TMCC2: variants seen among roughly 807,000 people sequenced by gnomAD.
The protein encoded by TMCC2 is transmembrane and coiled-coil domain family 2, also known as transmembrane and coiled-coil domains protein 2.
A neutral mutation model predicts 49.4 loss-of-function variants in TMCC2; 16 were observed. That is an observed-to-expected ratio of 0.32 (90% confidence interval 0.22 to 0.49). The LOEUF (loss-of-function observed/expected upper bound fraction) is 0.49. Among genes scored for constraint, TMCC2 ranks in the 20% least tolerant of loss-of-function variants. The pLI is 0.99. For missense variants in TMCC2, 762 were observed against 989.8 expected (o/e 0.77, Z 3.09); for synonymous variants, 397 against 434.1 (o/e 0.91, Z 1.06).
chr1:205,271,868 A>G lies in TMCC2; in HGVS notation c.1874A>G (p.Gln625Arg), dbSNP rs773616316. 6.2e-7 allele frequency: 1 copy of G among 1,613,948 alleles called. No individual in the cohort carries two copies. Among genetic ancestry groups the G allele is most frequent in the Non-Finnish European group, 8.5e-7 (1 of 1,180,020 alleles). ...RVTKLELQQQ[Q>R]QQVVQLEGVE... ...ACCAAGCTGGAGCTGCAGCAGCAAC[A>G]GCAGCAGGTGGTACAGCTGGAGGGC... is the stretch of plus-strand genomic sequence containing the variant. The change falls in exon 5 of 5, where the codon CAG (glutamine) becomes CGG (arginine). Residue 625 changes from glutamine to arginine, a missense_variant. Transcript: ENST00000358024.
At chr1:205,262,057 C>G (rs1441890560) in intron 2 of TMCC2, among the ~76,000 whole-genome samples, 1 of 152,180 alleles carries the variant, frequency 6.6e-6, no homozygotes, top group Non-Finnish European at 1.5e-5. Flanking sequence ...TATCTGTGTA[C>G]CAGCTCCTTG....
At chr1:205,250,627 C>T (rs1198341604) in intron 2 of TMCC2, among the ~76,000 whole-genome samples, 1 of 152,118 alleles carries the variant, frequency 6.6e-6, no homozygotes, top group Non-Finnish European at 1.5e-5. Flanking sequence ...ATAGAGGGGG[C>T]AAAATTAGAT....
rs2102510399 is a variant in TMCC2, at chr1:205,228,737, A to G, written c.173A>G (p.Asn58Ser). ...TSDAGAAAAPNPGPRSKPPDL... is the reference protein window; with the variant it reads ...TSDAGAAAAPSPGPRSKPPDL... Reference sequence around the variant, plus strand: ...GACGCCGGCGCTGCCGCGGCGCCCAACCCAGGTCCCCGAAGCAAGCCTCCT... The same window carrying G: ...GACGCCGGCGCTGCCGCGGCGCCCAGCCCAGGTCCCCGAAGCAAGCCTCCT... Residue 58 changes from asparagine to serine, a missense_variant, in exon 1 of 5, where the codon AAC becomes AGC. This residue lies in a region of TMCC2 where 322 missense variants were observed against 353.1 expected (regional missense o/e 0.91). Coordinates refer to ENST00000358024, the MANE Select transcript of TMCC2 (RefSeq NM_014858.4). 1 of 1,609,742 alleles carries G rather than the reference A, an allele frequency of 6.2e-7. No individual in the cohort carries two copies. Among genetic ancestry groups the G allele is most frequent in the African/African-American group, 1.3e-5 (1 of 74,968 alleles).
intron 1 of TMCC2, among the ~76,000 whole-genome samples, chr1:205,232,981 A>C (rs1220475606): frequency 1.6e-5 from 2 of 126,398 alleles, no homozygotes; most frequent in Non-Finnish European, 3.2e-5. Context: ...CACACACACA[A>C]AAAACAACAA....
intron 1 of TMCC2, chr1:205,236,969 A>G (rs1189453244): frequency 6.6e-6 from 1 of 152,210 alleles, no homozygotes; most frequent in East Asian, 1.9e-4. Context: ...CTAAGCAATA[A>G]AGGAAAGAGG....
In TMCC2 at chr1:205,228,104, A is replaced by G. The variant is rs1011562662; in HGVS notation, c.-461A>G. The G allele has an allele frequency of 6.7e-5, 10 of 148,760 alleles. No homozygotes were observed. Among genetic ancestry groups the G allele is most frequent in the Middle Eastern group, 3.4e-3 (1 of 292 alleles). The allele number at this position is 148,760 out of a possible 1,614,324, so 9.2% of individuals were successfully genotyped here. A position where few individuals can be genotyped will look rare whatever the true frequency, so the allele number is the denominator to read the frequency against. On this transcript the variant is annotated 5_prime_UTR_variant, in exon 1 of 5. Coordinates refer to ENST00000358024, the MANE Select transcript of TMCC2 (RefSeq NM_014858.4). ...GGCCGGTTGCAGGGCCGGGGGCTGC[A>G]GCCGGCGCCGATGGCGGCCGACTAG...
chr1:205,257,276 CG>C, intron 2 of TMCC2: 1 of 1,232,242 alleles, frequency 8.1e-7, no homozygotes, highest in Non-Finnish European at 1.0e-6. Context: ...TCTGTGACCC[CG>C]GGGGCCTGAC....
At chr1:205,249,330 A>T (rs1400922131) in intron 2 of TMCC2, among the ~76,000 whole-genome samples, 1 of 152,072 alleles carries the variant, frequency 6.6e-6, no homozygotes, top group Admixed American at 6.5e-5. Context: ...ATAAATAAGC[A>T]CCCCTGTTTA....
intron 2 of TMCC2, chr1:205,256,208 T>G: frequency 6.8e-7 from 1 of 1,477,190 alleles, no homozygotes; most frequent in Non-Finnish European, 9.0e-7. Context: ...CTCAAGTGGG[T>G]GCAGAATCCA....
intron 2 of TMCC2, among the ~76,000 whole-genome samples, chr1:205,259,306 G>A (rs74392188): frequency 8.9e-5 from 2 of 22,482 alleles, no homozygotes; most frequent in Non-Finnish European, 2.0e-4. Flanking sequence ...GGACCCTAAC[G>A]GGTTCTTTGC....
rs1199965293 is a variant in TMCC2, at chr1:205,271,952, T to C, written c.1958T>C (p.Leu653Pro). 1.3e-5 allele frequency: 21 copies of C among 1,614,062 alleles called. No individual in the cohort carries two copies. Among genetic ancestry groups the C allele is most frequent in the Non-Finnish European group, 1.7e-5 (20 of 1,180,042 alleles). Residue 653 changes from leucine (L) to proline (P), a missense_variant, in exon 5 of 5, where the codon CTC becomes CCC. Around this residue, in one of 2 missense-constraint regions of TMCC2, gnomAD observed 440 missense variants for 636.7 expected, o/e 0.69. Coordinates refer to ENST00000358024, the MANE Select transcript of TMCC2 (RefSeq NM_014858.4). ...AAGTTCATCAACGTGATCCTGGCGC[T>C]CATGGCCGTGCTGCTGGTGTTCGTG... is the stretch of plus-strand genomic sequence containing the variant. ...LGKFINVILA[L>P]MAVLLVFVST...
chr1:205,248,011 T>C (rs1172615842), intron 2 of TMCC2, among the ~76,000 whole-genome samples: 1 of 152,166 alleles, frequency 6.6e-6, no homozygotes, highest in Admixed American at 6.5e-5. Flanking sequence ...AGCTCAGCCT[T>C]GGTGATGGTA....
intron 2 of TMCC2, among the ~76,000 whole-genome samples, chr1:205,267,144 T>C (rs1661374439): frequency 3.9e-5 from 6 of 152,130 alleles, no homozygotes; most frequent in Non-Finnish European, 8.8e-5. Context: ...AAGTCCTGAC[T>C]TCAGGAGTGA....
At chr1:205,258,061 C>T (rs1343240646) in intron 2 of TMCC2, among the ~76,000 whole-genome samples, 9 of 152,162 alleles carry the variant, frequency 5.9e-5, no homozygotes, top group Non-Finnish European at 1.3e-4. Context: ...ATGTCTCCAC[C>T]AGGACAAGAG....
At chr1:205,235,414 C>T (rs939265136) in intron 1 of TMCC2, among the ~76,000 whole-genome samples, 1 of 152,222 alleles carries the variant, frequency 6.6e-6, no homozygotes, top group East Asian at 1.9e-4. Flanking sequence ...TATGTCTTCA[C>T]TGCCAATCCC....
intron 2 of TMCC2, among the ~76,000 whole-genome samples, chr1:205,262,402 G>A (rs1000282860): frequency 3.9e-5 from 6 of 152,154 alleles, no homozygotes; most frequent in African/African-American, 9.7e-5. Context: ...GCCCAGGAGT[G>A]TCTCTTCTCT....
At chr1:205,260,380 G>A (rs1466395095) in intron 2 of TMCC2, among the ~76,000 whole-genome samples, 1 of 152,242 alleles carries the variant, frequency 6.6e-6, no homozygotes, top group Non-Finnish European at 1.5e-5. Context: ...ATTTCTGCCT[G>A]CTACTGACTG....
chr1:205,271,631 C>A (rs1048483926), intron 4 of TMCC2, among the ~76,000 whole-genome samples, 182 bp from the exon 5 acceptor site: 3 of 152,226 alleles, frequency 2.0e-5, no homozygotes, highest in Non-Finnish European at 4.4e-5. Flanking sequence ...TTCCTAGCAT[C>A]CTCCCCAAAG....
At chr1:205,267,576 G>T (rs891307059) in intron 2 of TMCC2, among the ~76,000 whole-genome samples, 1 of 152,150 alleles carries the variant, frequency 6.6e-6, no homozygotes, top group African/African-American at 2.4e-5. Context: ...CTCAGCTGTG[G>T]ACAGAAAGAT....
Sources: allele counts gnomAD v4.1 joint callset (sites outside exome capture counted in the v4.1 genomes callset), GRCh38; gene constraint gnomAD v4.1.1; regional missense constraint gnomAD v4.1.1; transcripts MANE v1.5; gene names NCBI Gene and HGNC (gene_info 2026-07-23, HGNC 2026-07-21).